Variants in TTLL11 observed in about 807,000 individuals in gnomAD.
TTLL11 encodes tubulin polyglutamylase TTLL11.
TTLL11 carries 42 observed loss-of-function variants against 51.7 expected under a neutral mutation model. The ratio of observed to expected loss-of-function variants is 0.81; its 90% confidence interval spans 0.64 to 1.05. The LOEUF (loss-of-function observed/expected upper bound fraction) is 1.05. Among genes scored for constraint, TTLL11 ranks in the 50% least tolerant of loss-of-function variants. The probability of loss-of-function intolerance (pLI) is 0.00; values close to 1 mark genes in which losing one functional copy is unlikely to be tolerated. For synonymous variants in TTLL11, 381 were observed against 383.5 expected (o/e 0.99, Z 0.08); for missense variants, 799 against 940.4 (o/e 0.85, Z 1.97).
At chr9:122,066,670 A>G (rs889346440) in intron 1 of TTLL11, among the ~76,000 whole-genome samples, 7 of 152,322 alleles carry the variant, frequency 4.6e-5, no homozygotes, top group Middle Eastern at 6.8e-3. Context: ...TGTCTACACA[A>G]TCGGTAAAAC....
intron 8 of TTLL11, among the ~76,000 whole-genome samples, chr9:121,829,297 G>C (rs901070238): frequency 1.3e-5 from 2 of 152,046 alleles, no homozygotes; most frequent in African/African-American, 4.8e-5. Flanking sequence ...AAATCTCATA[G>C]AGTACCCAAA....
chr9:121,988,663 C>T (rs1386358008), intron 4 of TTLL11, among the ~76,000 whole-genome samples: 1 of 152,218 alleles, frequency 6.6e-6, no homozygotes, highest in African/African-American at 2.4e-5. Flanking sequence ...GAGAATGTTA[C>T]GTGGCCCCAC....
At chr9:121,844,807 C>T (rs1304311973) in intron 8 of TTLL11, among the ~76,000 whole-genome samples, 2 of 147,418 alleles carry the variant, frequency 1.4e-5, no homozygotes, top group African/African-American at 2.5e-5. Context: ...ATAGGAATGT[C>T]CTAAACTGAA....
At chr9:121,896,070 ATC>A (rs2131460621) in intron 6 of TTLL11, among the ~76,000 whole-genome samples, 1 of 147,044 alleles carries the variant, frequency 6.8e-6, no homozygotes, top group Non-Finnish European at 1.5e-5. Flanking sequence ...GTGTCATTGT[ATC>A]TGTGTGTGCC....
At chr9:121,873,051 G>A (rs1407547335) in intron 6 of TTLL11, among the ~76,000 whole-genome samples, 1 of 152,168 alleles carries the variant, frequency 6.6e-6, no homozygotes, top group Non-Finnish European at 1.5e-5. Flanking sequence ...TAAATTACTG[G>A]GTAAGTGGCA....
chr9:122,092,271 G>C (rs10120546), intron 1 of TTLL11, among the ~76,000 whole-genome samples: 65,922 of 152,008 alleles, frequency 0.43, 16,279 homozygotes, highest in African/African-American at 0.68. Flanking sequence ...AAAATAAAAA[G>C]TGTTCCTCTG....
chr9:122,045,458 G>A (rs1273875874), intron 1 of TTLL11, among the ~76,000 whole-genome samples: 2 of 152,120 alleles, frequency 1.3e-5, no homozygotes, highest in African/African-American at 2.4e-5. Flanking sequence ...GGCTGAGGCA[G>A]GAGAATCGCT....
chr9:121,947,938 T>G (rs905751934), intron 6 of TTLL11, among the ~76,000 whole-genome samples: 4 of 152,226 alleles, frequency 2.6e-5, no homozygotes, highest in Non-Finnish European at 5.9e-5. Context: ...GCCGTGCTTT[T>G]GGAGGATGGA....
In TTLL11 at chr9:121,817,562, C is replaced by T. The variant is rs1225629885; in HGVS notation, c.*5025G>A. 6.6e-6 allele frequency: 1 copy of T among 152,240 alleles called. No homozygotes were observed. Among genetic ancestry groups the T allele is most frequent in the Non-Finnish European group, 1.5e-5 (1 of 68,060 alleles). 9.4% of individuals were successfully genotyped at this position (152,240 alleles called of 1,614,324 possible). A position where few individuals can be genotyped will look rare whatever the true frequency, so the allele number is the denominator to read the frequency against. The stretch of plus-strand genomic sequence containing the variant: ...ACTAAGTGGCTGGGAGACCTGGAGC[C>T]CTTCCTGGGGTGCTCAGCAGGAGAA... On this transcript the variant is annotated 3_prime_UTR_variant, in exon 9 of 9. Transcript: ENST00000321582.
intron 1 of TTLL11, among the ~76,000 whole-genome samples, chr9:122,074,409 T>G (rs1197103107): frequency 6.6e-6 from 1 of 152,236 alleles, no homozygotes; most frequent in African/African-American, 2.4e-5. Flanking sequence ...TGTAAGTTAT[T>G]GTATAACATA....
chr9:121,958,593 G>C (rs922212483), intron 6 of TTLL11, among the ~76,000 whole-genome samples: 5 of 152,118 alleles, frequency 3.3e-5, no homozygotes, highest in Non-Finnish European at 5.9e-5. Flanking sequence ...AGAAACAGAG[G>C]CTTCAGCTAG....
chr9:122,017,557 G>A (rs1312876211), intron 3 of TTLL11, among the ~76,000 whole-genome samples: 5 of 147,146 alleles, frequency 3.4e-5, no homozygotes, highest in Non-Finnish European at 7.4e-5. Context: ...CCGTCTTCCT[G>A]TTTCAAACAA....
Position 121,866,659 on chromosome 9 carries a change from CA to C in TTLL11, c.1733+3837del, listed in dbSNP as rs10656322. Among the ~76,000 whole-genome samples, 102 of 129,162 alleles carry C rather than the reference CA, an allele frequency of 7.9e-4. 1 individual carries two copies. Among genetic ancestry groups the C allele is most frequent in the South Asian group, 3.4e-3 (13 of 3,870 alleles). The allele number at this position is 129,162 out of a possible 152,430, so 84.7% of individuals were successfully genotyped here. Reference sequence around the variant, plus strand: ...TGGGCAACAGAGCAAGACTCCATCTCAAAAAAAAAAAAAAGAAAGAAAAGAA... The same window carrying C: ...TGGGCAACAGAGCAAGACTCCATCTCAAAAAAAAAAAAAGAAAGAAAAGAA... On this transcript the variant is annotated intron_variant, in intron 7 of 8. Transcript: ENST00000321582.
intron 6 of TTLL11, among the ~76,000 whole-genome samples, chr9:121,887,173 A>G (rs1385901170): frequency 6.6e-6 from 1 of 152,206 alleles, no homozygotes; most frequent in African/African-American, 2.4e-5. Flanking sequence ...ACTGAAGCGA[A>G]TATCTCTAAA....
intron 1 of TTLL11, among the ~76,000 whole-genome samples, chr9:122,078,761 G>C (rs1003680577): frequency 9.2e-5 from 14 of 152,110 alleles, no homozygotes; most frequent in Non-Finnish European, 1.3e-4. Context: ...TACACATTGA[G>C]TTGTTTCAAA....
rs1839527222 is a variant in TTLL11, at chr9:121,896,398, T to C, written c.1482-25650A>G. On this transcript the variant is annotated intron_variant, in intron 6 of 8. Transcript: ENST00000321582. ...TTAGTCATCTTCCTCTTAACACTCC[T>C]GGAGGTCAGTTCCACAGCCCCAGCT... is the stretch of plus-strand genomic sequence containing the variant. Among the ~76,000 whole-genome samples, 4 of 152,092 alleles carry C rather than the reference T, an allele frequency of 2.6e-5. No individual in the cohort carries two copies. The South Asian group carries it at 8.3e-4, about 32-fold the overall frequency.
In TTLL11 at chr9:121,995,919, C is replaced by T. The variant is rs71497050; in HGVS notation, c.694-6149G>A. Among the ~76,000 whole-genome samples, 40,009 of 151,830 alleles carry T rather than the reference C, an allele frequency of 0.26. 5,622 individuals carry two copies. The highest frequency in any genetic ancestry group is 0.29 in the Non-Finnish European group (19,656 of 67,852). On this transcript the variant is annotated intron_variant, in intron 3 of 8. Transcript: ENST00000321582. The surrounding 1 kb of genome is among the most constrained non-coding windows in gnomAD (Gnocchi z 4.4). ...CAGACCTCTCAAGCTCCGTGGTGAGCGCGGGAACCACGGGCCCGTGAGAAG... is the reference window on the plus strand; with the variant it reads ...CAGACCTCTCAAGCTCCGTGGTGAGTGCGGGAACCACGGGCCCGTGAGAAG...
intron 8 of TTLL11, among the ~76,000 whole-genome samples, chr9:121,852,267 G>A (rs1159769503): frequency 6.6e-6 from 1 of 152,178 alleles, no homozygotes; most frequent in Non-Finnish European, 1.5e-5. Flanking sequence ...TTTGGGCCAG[G>A]TGCATACTTT....
rs1419648189 is a variant in TTLL11 at position 121,819,939 on chromosome 9, C to G, written c.*2648G>C. ...CAGCCTCGAAATGCTTTCAGTTAAACTGAAAAGGGCCAATCTGTCAGGACT... is the reference window on the plus strand; with the variant it reads ...CAGCCTCGAAATGCTTTCAGTTAAAGTGAAAAGGGCCAATCTGTCAGGACT... On this transcript the variant is annotated 3_prime_UTR_variant, in exon 9 of 9. Coordinates refer to ENST00000321582, the MANE Select transcript of TTLL11 (RefSeq NM_001139442.2). Among the ~76,000 whole-genome samples the G allele has an allele frequency of 6.6e-6, 1 of 152,238 alleles. No individual in the cohort carries two copies. Among genetic ancestry groups the G allele is most frequent in the Non-Finnish European group, 1.5e-5 (1 of 68,046 alleles).
Sources: gnomAD v4.1 joint callset for allele counts (sites outside exome capture counted in the v4.1 genomes callset) on GRCh38, gnomAD v4.1.1 for gene constraint, Gnocchi (gnomAD v3.1) non-coding constraint, MANE v1.5 for transcripts, NCBI Gene and HGNC (gene_info 2026-07-23, HGNC 2026-07-21) for gene names.